The following MTUS1 variants were observed in gnomAD, a reference collection of about 807,000 sequenced individuals.
MTUS1 encodes microtubule associated scaffold protein 1, also known as microtubule-associated tumor suppressor 1.
MTUS1 carries 109 observed loss-of-function variants against 120.8 expected under a neutral mutation model. That is an observed-to-expected ratio of 0.90 (90% CI 0.77 to 1.06). The LOEUF (loss-of-function observed/expected upper bound fraction) is 1.06. Among genes scored for constraint, MTUS1 ranks in the 50% least tolerant of loss-of-function variants. The pLI is 0.00. For synonymous variants in MTUS1, 737 were observed against 550.5 expected, an observed-to-expected ratio of 1.34 and a Z score of -4.74; for missense variants, 2,210 against 1,486.3, an observed-to-expected ratio of 1.49 and a Z score of -8.01.
At chr8:17,723,445 G>T (rs1319434621) in intron 4 of MTUS1, 1 of 577,166 alleles carries the variant, frequency 1.7e-6, no homozygotes, top group South Asian at 1.9e-5. Flanking sequence ...TTCAGACGAT[G>T]CACTTTCGAA....
intron 1 of MTUS1, among the ~76,000 whole-genome samples, chr8:17,758,905 G>A (rs1291432544): frequency 6.6e-6 from 1 of 152,120 alleles, no homozygotes; most frequent in Non-Finnish European, 1.5e-5. Flanking sequence ...ATTTTGAGAC[G>A]GAGTCTGGCA....
intron 8 of MTUS1, among the ~76,000 whole-genome samples, chr8:17,666,964 C>A (rs1811050615): frequency 6.6e-6 from 1 of 152,134 alleles, no homozygotes; most frequent in Non-Finnish European, 1.5e-5. Context: ...GCATTTCAAC[C>A]AGGTCTATTT....
chr8:17,779,480 T>C (rs2050707558), intron 1 of MTUS1, among the ~76,000 whole-genome samples: 1 of 152,246 alleles, frequency 6.6e-6, no homozygotes, highest in Admixed American at 6.5e-5. Flanking sequence ...TTAAAAGATT[T>C]GTTGTATTTG....
At chr8:17,670,595 G>A (rs3889346) in intron 8 of MTUS1, among the ~76,000 whole-genome samples, 20,456 of 152,030 alleles carry the variant, frequency 0.13, 1,409 homozygotes, top group South Asian at 0.19. Context: ...AGGCCGAGAC[G>A]GGCGGATCAC....
chr8:17,660,940 G>A (rs1441467294), intron 8 of MTUS1, among the ~76,000 whole-genome samples: 1 of 152,188 alleles, frequency 6.6e-6, no homozygotes, highest in African/African-American at 2.4e-5. Context: ...GATTACAGGG[G>A]CCATCGCACG....
chr8:17,764,987 C>T (rs867003835), intron 1 of MTUS1, among the ~76,000 whole-genome samples: 7 of 152,144 alleles, frequency 4.6e-5, no homozygotes, highest in Non-Finnish European at 2.9e-5. Context: ...CTCATCATAA[C>T]GTAGAATCAG....
At chr8:17,693,190 T>C (rs557113622) in intron 6 of MTUS1, 1 of 152,266 alleles carries the variant, frequency 6.6e-6, no homozygotes, top group Non-Finnish European at 1.5e-5. Flanking sequence ...AGAACTAATA[T>C]GTTGAGGTAG....
At chr8:17,657,237 AG>A in intron 8 of MTUS1, among the ~76,000 whole-genome samples, 1 of 152,032 alleles carries the variant, frequency 6.6e-6, no homozygotes, top group South Asian at 2.1e-4. Flanking sequence ...GCACCCACAT[AG>A]GCCAGGCACG....
In MTUS1 at chr8:17,644,344, C is replaced by T. The variant is rs1433460900; in HGVS notation, c.*1582G>A. On this transcript the variant is annotated 3_prime_UTR_variant, in exon 15 of 15. Transcript: ENST00000693296. ...ATGTAAATGACCCAAATATTCACCT[C>T]TAGCATCCTGAATCTCTTCTTACTA... 6.6e-6 allele frequency: 1 copy of T among 152,658 alleles called. No individual in the cohort carries two copies. The highest frequency in any genetic ancestry group is 1.5e-5 in the Non-Finnish European group (1 of 68,042). The allele number at this position is 152,658 out of a possible 1,614,324, so 9.5% of individuals were successfully genotyped here.
At chr8:17,782,205 A>C (rs1563384230) in intron 1 of MTUS1, among the ~76,000 whole-genome samples, 1 of 152,240 alleles carries the variant, frequency 6.6e-6, no homozygotes, top group Non-Finnish European at 1.5e-5. Flanking sequence ...GTGAGATTTC[A>C]GATGTGTGTA....
intron 4 of MTUS1, chr8:17,722,458 G>A: frequency 1.0e-6 from 1 of 985,322 alleles, no homozygotes; most frequent in Non-Finnish European, 1.2e-6. Context: ...ATGCAAGCCT[G>A]ATTTTGTGCC....
chr8:17,780,825 A>G (rs1369228727), intron 1 of MTUS1: 1 of 152,150 alleles, frequency 6.6e-6, no homozygotes, highest in African/African-American at 2.4e-5. Context: ...TATCACATCT[A>G]ATACAAAAAA....
chr8:17,771,085 G>A (rs1278893421), intron 1 of MTUS1, among the ~76,000 whole-genome samples: 2 of 152,172 alleles, frequency 1.3e-5, no homozygotes, highest in Non-Finnish European at 2.9e-5. Context: ...GGCTACAATT[G>A]TACTTCTCAC....
At chr8:17,708,914 G>A (rs1820694624) in intron 6 of MTUS1, 1 of 152,156 alleles carries the variant, frequency 6.6e-6, no homozygotes, top group African/African-American at 2.4e-5. Flanking sequence ...GAGGCGGGCG[G>A]ATCACGAGGT....
chr8:17,646,597 T>C (rs1269186609), intron 14 of MTUS1, among the ~76,000 whole-genome samples: 3 of 152,084 alleles, frequency 2.0e-5, no homozygotes, highest in Admixed American at 6.5e-5. Flanking sequence ...CAAAAAAATA[T>C]ATAATAATAA....
intron 3 of MTUS1, among the ~76,000 whole-genome samples, chr8:17,737,609 T>C (rs1173221189): frequency 6.6e-6 from 1 of 152,188 alleles, no homozygotes; most frequent in Non-Finnish European, 1.5e-5. Flanking sequence ...CACCTCAGCC[T>C]CCTGAGTAGC....
At chr8:17,672,217 A>G (rs1247398979) in intron 8 of MTUS1, among the ~76,000 whole-genome samples, 1 of 152,212 alleles carries the variant, frequency 6.6e-6, no homozygotes, top group Non-Finnish European at 1.5e-5. Flanking sequence ...AGTGTGGTTA[A>G]TTACTACACA....
intron 1 of MTUS1, among the ~76,000 whole-genome samples, chr8:17,785,331 G>A (rs2051216480): frequency 6.6e-6 from 1 of 152,216 alleles, no homozygotes; most frequent in South Asian, 2.1e-4. Flanking sequence ...CAGATATGGA[G>A]AAAACAGTGA....
chr8:17,753,725 G>C lies in MTUS1; in HGVS notation c.2083C>G (p.Leu695Val). 2 of 1,593,872 alleles carry C rather than the reference G, an allele frequency of 1.3e-6. No individual in the cohort carries two copies. Among genetic ancestry groups the C allele is most frequent in the Non-Finnish European group, 1.7e-6 (2 of 1,172,900 alleles). Reference protein sequence around the residue: ...IMNETFEYGSLFLGSASKTTT... With the variant: ...IMNETFEYGSVFLGSASKTTT... ...ATATATATATTACTTACCAAAAACA[G>C]AGAACCATATTCAAAAGTCTCATTC... Residue 695 changes from leucine to valine, a missense_variant, in exon 2 of 15, where the codon CTG becomes GTG. Physicochemically the swap from Leu to Val is conservative, Grantham distance 32. Transcript: ENST00000693296.
Sources: allele counts gnomAD v4.1 joint callset (sites outside exome capture counted in the v4.1 genomes callset), GRCh38; gene constraint gnomAD v4.1.1; transcripts MANE v1.5; gene names NCBI Gene and HGNC (gene_info 2026-07-23, HGNC 2026-07-21).